TENM4: variants seen among roughly 807,000 people sequenced by gnomAD.
TENM4 encodes teneurin-4.
A neutral mutation model predicts 243.3 loss-of-function variants in TENM4; 82 were observed. That is an observed-to-expected ratio of 0.34 (90% confidence interval 0.28 to 0.40). TENM4 has a LOEUF of 0.40. Among genes scored for constraint, TENM4 ranks in the 10% least tolerant of loss-of-function variants. The pLI, the probability that TENM4 is intolerant of heterozygous loss-of-function variation, is 1.00. For synonymous variants in TENM4, 1,412 were observed against 1,456.3 expected (o/e 0.97, Z 0.69); for missense variants, 3,138 against 3,673.3 (o/e 0.85, Z 3.77).
At chr11:79,012,797 C>T (rs937108797) in intron 6 of TENM4, among the ~76,000 whole-genome samples, 7 of 152,148 alleles carry the variant, frequency 4.6e-5, no homozygotes, top group African/African-American at 9.7e-5. Context: ...TCAGCGAGGA[C>T]GACCTTTCCC....
intron 3 of TENM4, among the ~76,000 whole-genome samples, chr11:79,203,817 C>G (rs1175971913): frequency 6.6e-6 from 1 of 152,192 alleles, no homozygotes; most frequent in African/African-American, 2.4e-5. Context: ...ACTATCATCT[C>G]TCTCCCAAAA....
In TENM4 at chr11:79,051,422, G is replaced by A. The variant is rs146829163; in HGVS notation, c.493+13316C>T. On this transcript the variant is annotated intron_variant, in intron 6 of 33. Transcript: ENST00000278550. ...TGCTTATAAGTTGGAGTCACCAAGT[G>A]TGTGTTTGCAGGGGCTAGTCTGATA... 3.9e-3 allele frequency among the ~76,000 whole-genome samples: 591 copies of A among 152,308 alleles called. 16 individuals carry two copies. Among genetic ancestry groups the A allele is most frequent in the Admixed American group, 0.029 (450 of 15,310 alleles).
intron 10 of TENM4, among the ~76,000 whole-genome samples, chr11:78,858,957 G>A (rs962909418): frequency 3.3e-5 from 5 of 152,164 alleles, no homozygotes; most frequent in African/African-American, 7.2e-5. Context: ...TCTGTATATG[G>A]AGGCTCAGAA....
chr11:79,409,085 TGTGTGTGTGTGTGTGTGC>T (rs1030339964), intron 1 of TENM4, among the ~76,000 whole-genome samples: 5 of 118,314 alleles, frequency 4.2e-5, no homozygotes, highest in Non-Finnish European at 9.2e-5. Context: ...TGTGTGTGTG[TGTGTGTGTGTGTGTGTGC>T]GCGCGCGCGC....
chr11:79,060,161 G>A (rs1189982138), intron 6 of TENM4, among the ~76,000 whole-genome samples: 2 of 152,192 alleles, frequency 1.3e-5, no homozygotes, highest in Non-Finnish European at 1.5e-5. Context: ...ATTGCATGCC[G>A]ACTGTTCCTG....
At chr11:78,895,757 C>T (rs1855778408) in intron 7 of TENM4, among the ~76,000 whole-genome samples, 1 of 152,154 alleles carries the variant, frequency 6.6e-6, no homozygotes, top group African/African-American at 2.4e-5. Context: ...CCTCATTTTA[C>T]AGATATGGAA....
chr11:79,101,497 T>C (rs1291158706), intron 4 of TENM4, among the ~76,000 whole-genome samples: 1 of 152,190 alleles, frequency 6.6e-6, no homozygotes, highest in African/African-American at 2.4e-5. Context: ...TTGAAATGGA[T>C]TGACATGGCG....
At chr11:79,287,016 G>A (rs956736100) in intron 2 of TENM4, among the ~76,000 whole-genome samples, 13 of 152,124 alleles carry the variant, frequency 8.5e-5, no homozygotes, top group African/African-American at 3.1e-4. Flanking sequence ...TTGGTGAAGG[G>A]GCCAGACCAA....
At chr11:78,967,130 T>C (rs1362589418) in intron 6 of TENM4, among the ~76,000 whole-genome samples, 1 of 152,172 alleles carries the variant, frequency 6.6e-6, no homozygotes. Flanking sequence ...TTCCTGATGC[T>C]TCAAGCCTGC....
At chr11:79,138,847 A>ATAAATATAT (rs1862181165) in intron 4 of TENM4, among the ~76,000 whole-genome samples, 1 of 120,118 alleles carries the variant, frequency 8.3e-6, no homozygotes, top group African/African-American at 3.3e-5. Flanking sequence ...TTATATTTAT[A>ATAAATATAT]TAAATATACA....
chr11:79,398,317 GCGCAT>G (rs1200018155), intron 1 of TENM4, among the ~76,000 whole-genome samples: 2 of 152,000 alleles, frequency 1.3e-5, no homozygotes, highest in East Asian at 3.9e-4. Context: ...GTAGGGGTGG[GCGCAT>G]CTCACCTGGC....
chr11:79,307,007 C>A lies in TENM4; in HGVS notation c.-320-9464G>T, dbSNP rs138564478. On this transcript the variant is annotated intron_variant, in intron 1 of 33. Coordinates refer to ENST00000278550, the MANE Select transcript of TENM4 (RefSeq NM_001098816.3). ...CAGATGTGCCTCTTTGTAAAAGGAT[C>A]TTTTAAGATTCCTGAGGATATATGT... Among the ~76,000 whole-genome samples the A allele has an allele frequency of 3.0e-3, 455 of 152,300 alleles. 2 individuals are homozygous for A. Among genetic ancestry groups the A allele is most frequent in the African/African-American group, 0.01 (416 of 41,574 alleles).
chr11:79,011,376 A>G (rs980186161), intron 6 of TENM4, among the ~76,000 whole-genome samples: 1 of 152,184 alleles, frequency 6.6e-6, no homozygotes, highest in Non-Finnish European at 1.5e-5. Flanking sequence ...AGGCTCTTAC[A>G]TGGGAATTTT....
At chr11:79,338,929 T>C (rs1944451) in intron 1 of TENM4, among the ~76,000 whole-genome samples, 6,592 of 152,166 alleles carry the variant, frequency 0.043, 454 homozygotes, top group African/African-American at 0.15. Context: ...GGAAGTTGAG[T>C]CTACTCTGGA....
chr11:79,007,696 T>C (rs1858528791), intron 6 of TENM4, among the ~76,000 whole-genome samples: 1 of 152,162 alleles, frequency 6.6e-6, no homozygotes, highest in African/African-American at 2.4e-5. Context: ...CCAGCCAAAG[T>C]AGCTCCTCCT....
chr11:79,009,942 T>C (rs1052290434), intron 6 of TENM4, among the ~76,000 whole-genome samples: 1 of 152,130 alleles, frequency 6.6e-6, no homozygotes, highest in Non-Finnish European at 1.5e-5. Flanking sequence ...TCTCATGCTG[T>C]TCTTGTGATA....
intron 19 of TENM4, among the ~76,000 whole-genome samples, chr11:78,744,110 G>C (rs759607682): frequency 3.3e-5 from 5 of 152,172 alleles, no homozygotes; most frequent in South Asian, 2.1e-4. Context: ...CTGAAGTCTT[G>C]TAAGAACATT....
chr11:78,910,757 AC>A (rs1856167293), intron 6 of TENM4, among the ~76,000 whole-genome samples: 2 of 152,322 alleles, frequency 1.3e-5, no homozygotes, highest in Middle Eastern at 6.8e-3. Flanking sequence ...TAGGGGTCAC[AC>A]TTTTTGTAGT....
intron 4 of TENM4, among the ~76,000 whole-genome samples, chr11:79,098,688 G>T (rs894795449): frequency 6.6e-6 from 1 of 152,216 alleles, no homozygotes; most frequent in African/African-American, 2.4e-5. Context: ...GCTACCAGCT[G>T]TGCCATACTG....
Sources: allele counts gnomAD v4.1 joint callset (sites outside exome capture counted in the v4.1 genomes callset), GRCh38; gene constraint gnomAD v4.1.1; transcripts MANE v1.5; gene names NCBI Gene and HGNC (gene_info 2026-07-23, HGNC 2026-07-21).